OR10AG1: variants seen among roughly 807,000 people sequenced by gnomAD.
OR10AG1 encodes olfactory receptor family 10 subfamily AG member 1.
For synonymous variants in OR10AG1, 147 were observed against 128.6 expected (o/e 1.14, Z -0.97); for missense variants, 433 against 376.5 (o/e 1.15, Z -1.24).
intron 1 of OR10AG1, 52 bp downstream of exon 1, chr11:55,969,840 A>G (rs1381137220): frequency 1.3e-5 from 5 of 398,064 alleles, no homozygotes; most frequent in Non-Finnish European, 2.2e-5. Context: ...TCTATCCACA[A>G]ACTTGTAACT....
rs1852696410 is a variant in OR10AG1 at position 55,967,309 on chromosome 11, G to T, written c.*249C>A. 2.9e-6 allele frequency: 1 copy of T among 349,162 alleles called. No homozygotes were observed. Among genetic ancestry groups the T allele is most frequent in the Non-Finnish European group, 5.2e-6 (1 of 193,498 alleles). 21.6% of individuals were successfully genotyped at this position (349,162 alleles called of 1,614,324 possible). On this transcript the variant is annotated 3_prime_UTR_variant, in exon 2 of 2. Transcript: ENST00000641071. ...TATTTTTCATTTTATTGCTCAGGTG[G>T]TCTCTTAATCAACAGTTAACCATTG... is the stretch of plus-strand genomic sequence containing the variant.
Position 55,966,077 on chromosome 11 carries a change from T to C in OR10AG1, c.*1481A>G, listed in dbSNP as rs1852685223. ...ATTATCTTGAGAGGCTGTGCATTAC[T>C]GTAAGGTAAAGATGTACTCCAGTGT... On this transcript the variant is annotated 3_prime_UTR_variant, in exon 2 of 2. Transcript: ENST00000641071. 6.6e-6 allele frequency: 1 copy of C among 151,996 alleles called. No homozygotes were observed. Among genetic ancestry groups the C allele is most frequent in the Non-Finnish European group, 1.5e-5 (1 of 67,998 alleles). 9.4% of individuals were successfully genotyped at this position (151,996 alleles called of 1,614,324 possible).
At position 55,967,355 on chromosome 11, in the gene OR10AG1, G is replaced by A. The variant is rs1371065779; in HGVS notation, c.*203C>T. 1.8e-5 allele frequency: 8 copies of A among 455,556 alleles called. No individual in the cohort carries two copies. Among genetic ancestry groups the A allele is most frequent in the Non-Finnish European group, 2.7e-5 (7 of 258,120 alleles). The allele number at this position is 455,556 out of a possible 1,614,324, so 28.2% of individuals were successfully genotyped here. ...CATTGATCTTCAGAATGAGATCTTGGCACCTTAGTTAAATTGTGCTCCAAC... is the reference window on the plus strand; with the variant it reads ...CATTGATCTTCAGAATGAGATCTTGACACCTTAGTTAAATTGTGCTCCAAC... On this transcript the variant is annotated 3_prime_UTR_variant, in exon 2 of 2. Transcript: ENST00000641071.
At chr11:55,969,620 C>A (rs542813521) in intron 1 of OR10AG1, among the ~76,000 whole-genome samples, 25 of 152,214 alleles carry the variant, frequency 1.6e-4, no homozygotes, top group African/African-American at 5.5e-4. Flanking sequence ...AGTGATCAGA[C>A]AAATACTATC....
At position 55,968,316 on chromosome 11, in the gene OR10AG1, T is replaced by A; in HGVS notation, c.208A>T (p.Met70Leu). The A allele has an allele frequency of 6.2e-7, 1 of 1,613,528 alleles. No individual in the cohort carries two copies. Among genetic ancestry groups the A allele is most frequent in the Middle Eastern group, 1.6e-4 (1 of 6,062 alleles). ...IKIHPALQTP[M>L]YFFLSNFSLL... The stretch of plus-strand genomic sequence containing the variant: ...GAAAAATTGCTAAGAAAAAAATACA[T>A]GGGAGTCTGGAGAGCGGGGTGAATT... Residue 70 changes from methionine to leucine, a missense_variant, in exon 2 of 2, where the codon ATG becomes TTG. Met to Leu is a conservative substitution (Grantham distance 15, BLOSUM62 2). Coordinates refer to ENST00000641071, the MANE Select transcript of OR10AG1 (RefSeq NM_001005491.2).
chr11:55,969,487 C>T (rs1166277031), intron 1 of OR10AG1, among the ~76,000 whole-genome samples: 1 of 152,130 alleles, frequency 6.6e-6, no homozygotes, highest in African/African-American at 2.4e-5. Flanking sequence ...ATTACACTTG[C>T]TTAACGTTTG....
Position 55,967,886 on chromosome 11 carries a change from A to G in OR10AG1, c.638T>C (p.Val213Ala), listed in dbSNP as rs747779733. The G allele has an allele frequency of 2.5e-6, 4 of 1,613,990 alleles. No homozygotes were observed. In the South Asian group the frequency reaches 3.3e-5, roughly 13 times the overall value. ...TGGCACCGTGATAAACACCACCGCTACTACATGGACTGTTATCTCATTCAC... is the reference window on the plus strand; with the variant it reads ...TGGCACCGTGATAAACACCACCGCTGCTACATGGACTGTTATCTCATTCAC... ...IFVNEITVHV[V>A]AVVFITVPFL... The change falls in exon 2 of 2, where the codon GTA (valine) becomes GCA (alanine). Residue 213 changes from valine (V) to alanine (A), a missense_variant. Val to Ala is a moderately conservative substitution (Grantham distance 64, BLOSUM62 0). Coordinates refer to ENST00000641071, the MANE Select transcript of OR10AG1 (RefSeq NM_001005491.2).
Position 55,967,929 on chromosome 11 carries a change from C to A in OR10AG1, c.595G>T (p.Ala199Ser), listed in dbSNP as rs747533047. 1 of 1,614,070 alleles carries A rather than the reference C, an allele frequency of 6.2e-7. No homozygotes were observed. Among genetic ancestry groups the A allele is most frequent in the South Asian group, 1.1e-5 (1 of 91,078 alleles). The change falls in exon 2 of 2, where the codon GCT (alanine) becomes TCT (serine). Residue 199 changes from alanine to serine, a missense_variant. Coordinates refer to ENST00000641071, the MANE Select transcript of OR10AG1 (RefSeq NM_001005491.2). Reference protein sequence around the residue: ...FCDIPPILKLACGNIFVNEIT... With the variant: ...FCDIPPILKLSCGNIFVNEIT... ...TCATTCACAAATATGTTTCCACAAG[C>A]AAGCTTGAGTATTGGCGGGATGTCA...
At chr11:55,969,718 A>C (rs1852724987) in intron 1 of OR10AG1, among the ~76,000 whole-genome samples, 174 bp downstream of exon 1, 1 of 152,192 alleles carries the variant, frequency 6.6e-6, no homozygotes, top group Admixed American at 6.5e-5. Flanking sequence ...ATTATTGGAC[A>C]TCTAATTTTA....
chr11:55,968,225 T>A lies in OR10AG1; in HGVS notation c.299A>T (p.Lys100Ile). Residue 100 changes from lysine to isoleucine, a missense_variant, in exon 2 of 2, where the codon AAA becomes ATA. Lys to Ile is a moderately radical substitution (Grantham distance 102). Coordinates refer to ENST00000641071, the MANE Select transcript of OR10AG1 (RefSeq NM_001005491.2). ...PRMLMDIWTQKGNISLFACAT... is the reference protein window; with the variant it reads ...PRMLMDIWTQIGNISLFACAT... ...ACAAGCAAACAAAGAAATATTTCCT[T>A]TCTGAGTCCAAATGTCCATGAGCAT... The A allele has an allele frequency of 6.2e-7, 1 of 1,614,068 alleles. No homozygotes were observed. Among genetic ancestry groups the A allele is most frequent in the Admixed American group, 1.7e-5 (1 of 60,030 alleles).
chr11:55,969,602 T>C (rs1158083094), intron 1 of OR10AG1, among the ~76,000 whole-genome samples: 3 of 152,176 alleles, frequency 2.0e-5, no homozygotes, highest in South Asian at 4.1e-4. Flanking sequence ...AATACGTTGA[T>C]AAATGAAAGT....
rs1590671824 is a variant in OR10AG1, at chr11:55,967,819, G to T, written c.705C>A (p.Asn235Lys). The change falls in exon 2 of 2, where the codon AAC becomes AAA. Residue 235 changes from asparagine to lysine, a missense_variant. By Grantham distance (94) the Asn-to-Lys change is moderately conservative. Transcript: ENST00000641071. The stretch of plus-strand genomic sequence containing the variant: ...CTCTGGCTGATGACAATTTCAAAAT[G>T]TTGGAGATAATTTTGCCATAAGAGA... ...IVVSYGKIIS[N>K]ILKLSSARGK... The T allele has an allele frequency of 6.2e-7, 1 of 1,613,954 alleles. No homozygotes were observed. Among genetic ancestry groups the T allele is most frequent in the African/African-American group, 1.3e-5 (1 of 74,880 alleles).
Position 55,966,301 on chromosome 11 carries a change from TA to T in OR10AG1, c.*1256del, listed in dbSNP as rs1565157741. The T allele has an allele frequency of 1.4e-5, 2 of 139,960 alleles. No individual in the cohort carries two copies. The highest frequency in any genetic ancestry group is 4.2e-4 in the East Asian group (2 of 4,816). The allele number at this position is 139,960 out of a possible 1,614,324, so 8.7% of individuals were successfully genotyped here. A position where few individuals can be genotyped will look rare whatever the true frequency, so the allele number is the denominator to read the frequency against. ...ATATATATATATATATTTTTTTTTT[TA>T]AACAGAAGTCAATTTACTGCCCAAA... On this transcript the variant is annotated 3_prime_UTR_variant, in exon 2 of 2. Coordinates refer to ENST00000641071, the MANE Select transcript of OR10AG1 (RefSeq NM_001005491.2).
Position 55,967,914 on chromosome 11 carries a change from A to G in OR10AG1, c.610T>C (p.Phe204Leu), listed in dbSNP as rs776048499. The change falls in exon 2 of 2, where the codon TTT becomes CTT. Residue 204 changes from phenylalanine to leucine, a missense_variant. Coordinates refer to ENST00000641071, the MANE Select transcript of OR10AG1 (RefSeq NM_001005491.2). ...ACATGGACTGTTATCTCATTCACAA[A>G]TATGTTTCCACAAGCAAGCTTGAGT... is the stretch of plus-strand genomic sequence containing the variant. ...PILKLACGNIFVNEITVHVVA... is the reference protein window; with the variant it reads ...PILKLACGNILVNEITVHVVA... The G allele has an allele frequency of 6.2e-7, 1 of 1,614,082 alleles. No homozygotes were observed. The highest frequency in any genetic ancestry group is 8.5e-7 in the Non-Finnish European group (1 of 1,179,970).
rs1852710624 is a variant in OR10AG1 at position 55,968,240 on chromosome 11, T to C, written c.284A>G (p.Asp95Gly). 1 of 1,613,830 alleles carries C rather than the reference T, an allele frequency of 6.2e-7. No homozygotes were observed. Among genetic ancestry groups the C allele is most frequent in the Non-Finnish European group, 8.5e-7 (1 of 1,179,798 alleles). ...VTIIIPRMLM[D>G]IWTQKGNISL... is the part of the protein sequence containing the mutation. The stretch of plus-strand genomic sequence containing the variant: ...AATATTTCCTTTCTGAGTCCAAATG[T>C]CCATGAGCATTCTTGGGATAATGAT... Residue 95 changes from aspartate (D) to glycine (G), a missense_variant, in exon 2 of 2, where the codon GAC becomes GGC. By Grantham distance (94) the Asp-to-Gly change is moderately conservative. Coordinates refer to ENST00000641071, the MANE Select transcript of OR10AG1 (RefSeq NM_001005491.2).
chr11:55,967,761 G>T lies in OR10AG1; in HGVS notation c.763C>A (p.His255Asn). ...KAKAFSTCSS[H>N]LIVVILFFGA... ...AAGAATAAGATTACAACTATTAGGT[G>T]AGATGAGCAGGTGGAGAAGGCTTTA... The change falls in exon 2 of 2, where the codon CAC becomes AAC. Residue 255 changes from histidine to asparagine, a missense_variant. Coordinates refer to ENST00000641071, the MANE Select transcript of OR10AG1 (RefSeq NM_001005491.2). 6.2e-7 allele frequency: 1 copy of T among 1,613,588 alleles called. No individual in the cohort carries two copies. The highest frequency in any genetic ancestry group is 8.5e-7 in the Non-Finnish European group (1 of 1,179,608).
intron 1 of OR10AG1, among the ~76,000 whole-genome samples, chr11:55,968,827 T>C (rs953897011): frequency 2.6e-5 from 4 of 152,124 alleles, no homozygotes; most frequent in Non-Finnish European, 5.9e-5. Flanking sequence ...TGTAGGCTTT[T>C]ACTATTTCAT....
At position 55,967,322 on chromosome 11, in the gene OR10AG1, C is replaced by A; in HGVS notation, c.*236G>T. 2.6e-6 allele frequency: 1 copy of A among 390,170 alleles called. No individual in the cohort carries two copies. Among genetic ancestry groups the A allele is most frequent in the Non-Finnish European group, 4.6e-6 (1 of 218,880 alleles). The allele number at this position is 390,170 out of a possible 1,614,324, so 24.2% of individuals were successfully genotyped here. ...ATTGCTCAGGTGGTCTCTTAATCAA[C>A]AGTTAACCATTGATCTTCAGAATGA... On this transcript the variant is annotated 3_prime_UTR_variant, in exon 2 of 2. Coordinates refer to ENST00000641071, the MANE Select transcript of OR10AG1 (RefSeq NM_001005491.2).
chr11:55,967,546 C>G lies in OR10AG1; in HGVS notation c.*12G>C, dbSNP rs759136629. The G allele has an allele frequency of 1.3e-5, 20 of 1,506,742 alleles. No homozygotes were observed. The South Asian group carries it at 2.4e-4, about 18-fold the overall frequency. The allele number at this position is 1,506,742 out of a possible 1,614,324, so 93.3% of individuals were successfully genotyped here. Reference sequence around the variant, plus strand: ...TATAAAGAAATTATTTCTGTAATTTCAAGTCTTCATCTCATGTTAATAACT... The same window carrying G: ...TATAAAGAAATTATTTCTGTAATTTGAAGTCTTCATCTCATGTTAATAACT... On this transcript the variant is annotated 3_prime_UTR_variant, in exon 2 of 2. Transcript: ENST00000641071.
Sources: gnomAD v4.1 joint callset for allele counts (sites outside exome capture counted in the v4.1 genomes callset) on GRCh38, gnomAD v4.1.1 for gene constraint, MANE v1.5 for transcripts, NCBI Gene and HGNC (gene_info 2026-07-23, HGNC 2026-07-21) for gene names.